SLCO2A1: variants seen among roughly 807,000 people sequenced by gnomAD.
SLCO2A1 encodes the protein solute carrier organic anion transporter family member 2A1, also known as matrin F/G 1.
A neutral mutation model predicts 71.7 loss-of-function variants in SLCO2A1; 60 were observed. That is an observed-to-expected ratio of 0.84 (90% CI 0.68 to 1.04). SLCO2A1 has a LOEUF of 1.04. Ranked by LOEUF, SLCO2A1 falls within the 50% of genes least tolerant of loss-of-function variation. The pLI is 0.00. For missense variants in SLCO2A1, 745 were observed against 813.4 expected (o/e 0.92, Z 1.02); for synonymous variants, 308 against 326.7 (o/e 0.94, Z 0.62).
chr3:133,992,906 G>A (rs560847212), intron 1 of SLCO2A1, among the ~76,000 whole-genome samples: 180 of 151,236 alleles, frequency 1.2e-3, no homozygotes, highest in African/African-American at 3.8e-3. Context: ...CCAGACAAGA[G>A]TTCAGATGTC....
chr3:133,997,432 G>A (rs1934991987), intron 1 of SLCO2A1, among the ~76,000 whole-genome samples: 1 of 152,246 alleles, frequency 6.6e-6, no homozygotes, highest in Non-Finnish European at 1.5e-5. Context: ...ATGAGACCAT[G>A]CTGAAATCAA....
chr3:134,011,571 C>T (rs984911053), intron 1 of SLCO2A1, among the ~76,000 whole-genome samples: 14 of 152,200 alleles, frequency 9.2e-5, no homozygotes, highest in Admixed American at 6.5e-4. Context: ...GAGTAGTTGC[C>T]ATATACAAGG....
chr3:133,962,321 C>T (rs1576436227), intron 3 of SLCO2A1, among the ~76,000 whole-genome samples: 1 of 152,246 alleles, frequency 6.6e-6, no homozygotes, highest in Middle Eastern at 3.4e-3. Flanking sequence ...CTCAGACGAT[C>T]CACCCTCCTC....
intron 1 of SLCO2A1, among the ~76,000 whole-genome samples, chr3:133,994,209 C>T (rs142530212): frequency 4.1e-4 from 63 of 152,286 alleles, no homozygotes; most frequent in Middle Eastern, 3.4e-3. Context: ...AATAAATATT[C>T]GCTGAATAAA....
chr3:133,996,743 C>T (rs1242723935), intron 1 of SLCO2A1, among the ~76,000 whole-genome samples: 12 of 152,154 alleles, frequency 7.9e-5, no homozygotes, highest in Non-Finnish European at 8.8e-5. Flanking sequence ...CTGAAAACTG[C>T]GTCCCATATA....
chr3:134,027,729 G>T (rs1935727097), intron 1 of SLCO2A1, among the ~76,000 whole-genome samples: 1 of 152,212 alleles, frequency 6.6e-6, no homozygotes, highest in Non-Finnish European at 1.5e-5. Context: ...CTCATTGGGA[G>T]GAAATATCCC....
At chr3:133,959,190 GC>G (rs1232438824) in intron 3 of SLCO2A1, among the ~76,000 whole-genome samples, 1 of 152,130 alleles carries the variant, frequency 6.6e-6, no homozygotes, top group East Asian at 1.9e-4. Flanking sequence ...TTCTTCAGTC[GC>G]TCAGTTATTT....
At chr3:133,953,113 T>C (rs1473570530) in intron 5 of SLCO2A1, among the ~76,000 whole-genome samples, 1 of 152,066 alleles carries the variant, frequency 6.6e-6, no homozygotes, top group African/African-American at 2.4e-5. Flanking sequence ...CTCGGCTCAC[T>C]GCAAGCTCTG....
intron 1 of SLCO2A1, among the ~76,000 whole-genome samples, chr3:133,982,948 T>A (rs1034851805): frequency 1.3e-5 from 2 of 152,162 alleles, no homozygotes; most frequent in African/African-American, 2.4e-5. Flanking sequence ...ATAGCCAAGA[T>A]GCTACAGTCC....
chr3:134,011,959 A>G lies in SLCO2A1; in HGVS notation c.96+17748T>C, dbSNP rs142688637. Among the ~76,000 whole-genome samples the G allele has an allele frequency of 2.2e-3, 340 of 152,104 alleles. 4 individuals are homozygous for G. Among genetic ancestry groups the G allele is most frequent in the Admixed American group, 5.2e-3 (79 of 15,296 alleles). On this transcript the variant is annotated intron_variant, in intron 1 of 13. Coordinates refer to ENST00000310926, the MANE Select transcript of SLCO2A1 (RefSeq NM_005630.3). The stretch of plus-strand genomic sequence containing the variant: ...CTGGGGGCTGATGAGGGCATCACAA[A>G]CTTGCAAGGCCTAGTGCAGGGGGCA...
intron 10 of SLCO2A1, 119 bp from the exon 11 acceptor site, chr3:133,942,887 G>A (rs1311747574): frequency 8.1e-6 from 9 of 1,113,092 alleles, no homozygotes; most frequent in Admixed American, 6.5e-5. Context: ...TGTCCTCTGG[G>A]TCTGGTTCCC....
chr3:133,976,510 G>C (rs1469742899), intron 2 of SLCO2A1, among the ~76,000 whole-genome samples: 1 of 152,178 alleles, frequency 6.6e-6, no homozygotes, highest in Non-Finnish European at 1.5e-5. Context: ...AGGTGTTACA[G>C]CTAATGTTGG....
In SLCO2A1 at chr3:133,948,934, T is replaced by C. The variant is rs1392655101; in HGVS notation, c.899A>G (p.Glu300Gly). The change falls in exon 7 of 14, where the codon GAG (glutamate) becomes GGG (glycine). Residue 300 changes from glutamate (E) to glycine (G), a missense_variant. Physicochemically the swap from Glu to Gly is moderately conservative, Grantham distance 98. Transcript: ENST00000310926. ...PATADEARKL[E>G]EAKSRGSLVD... is the part of the protein sequence containing the mutation. ...CAGGGAGCCTCTTGACTTGGCCTCC[T>C]CCAACTTCCTTGCTTCATCTGCTGT... is the stretch of plus-strand genomic sequence containing the variant. 1 of 1,614,012 alleles carries C rather than the reference T, an allele frequency of 6.2e-7. No homozygotes were observed. The highest frequency in any genetic ancestry group is 1.3e-5 in the African/African-American group (1 of 74,914).
At chr3:133,994,001 G>A (rs1474823497) in intron 1 of SLCO2A1, among the ~76,000 whole-genome samples, 1 of 152,110 alleles carries the variant, frequency 6.6e-6, no homozygotes, top group Non-Finnish European at 1.5e-5. Flanking sequence ...CTTAGGAGCT[G>A]ACCCCAAGGA....
rs142680575 is a variant in SLCO2A1 at position 133,967,563 on chromosome 3, C to T, written c.397+6100G>A. On this transcript the variant is annotated intron_variant, in intron 3 of 13. Transcript: ENST00000310926. The stretch of plus-strand genomic sequence containing the variant: ...AAATCTCATTAAGTTTTGTTCTGCT[C>T]ATCCGTTCAGGGCTCTATTTCTCTC... 5.3e-5 allele frequency among the ~76,000 whole-genome samples: 8 copies of T among 152,318 alleles called. No homozygotes were observed. In the East Asian group the frequency reaches 1.2e-3, roughly 22 times the overall value.
intron 10 of SLCO2A1, 145 bp from the exon 11 acceptor site, chr3:133,942,913 G>T: frequency 2.4e-6 from 2 of 836,690 alleles, no homozygotes; most frequent in South Asian, 2.3e-5. Flanking sequence ...AGCTGGGTGA[G>T]CCTGGGGCCA....
chr3:133,943,815 C>A (rs56851733), intron 10 of SLCO2A1, among the ~76,000 whole-genome samples: 4,316 of 152,298 alleles, frequency 0.028, 199 homozygotes, highest in African/African-American at 0.095. Flanking sequence ...GGGAGCCACG[C>A]TCCTTCGCCC....
Position 133,947,460 on chromosome 3 carries a change from A to G in SLCO2A1, c.1106-15T>C. 2 of 1,604,818 alleles carry G rather than the reference A, an allele frequency of 1.2e-6. No individual in the cohort carries two copies. Among genetic ancestry groups the G allele is most frequent in the Non-Finnish European group, 1.7e-6 (2 of 1,175,046 alleles). ...GTTCACAGCACCTATAAGTGGAAAG[A>G]AGGAGGTGATCCAGGTGCACAGGCC... On this transcript the variant is annotated splice_polypyrimidine_tract_variant and intron_variant, in intron 8 of 13. Coordinates refer to ENST00000310926, the MANE Select transcript of SLCO2A1 (RefSeq NM_005630.3).
At chr3:134,026,854 A>T (rs1559963408) in intron 1 of SLCO2A1, among the ~76,000 whole-genome samples, 1 of 152,224 alleles carries the variant, frequency 6.6e-6, no homozygotes, top group Admixed American at 6.5e-5. Context: ...CAGTTAAGAG[A>T]TATGACAAAA....
Sources: allele counts gnomAD v4.1 joint callset (sites outside exome capture counted in the v4.1 genomes callset), GRCh38; gene constraint gnomAD v4.1.1; transcripts MANE v1.5; gene names NCBI Gene and HGNC (gene_info 2026-07-23, HGNC 2026-07-21).